Variants in DCLRE1A observed in about 807,000 individuals in gnomAD.
DCLRE1A encodes the protein DNA cross-link repair 1A protein.
DCLRE1A carries 64 observed loss-of-function variants against 91.9 expected under a neutral mutation model. That is an observed-to-expected ratio of 0.70 (90% CI 0.57 to 0.86). The LOEUF is 0.86. Ranked by LOEUF, DCLRE1A falls within the 40% of genes least tolerant of loss-of-function variation. DCLRE1A has a pLI of 0.00. For synonymous variants in DCLRE1A, 416 were observed against 431.1 expected (o/e 0.96, Z 0.43); for missense variants, 1,145 against 1,213.3 (o/e 0.94, Z 0.84).
At chr10:113,845,404 A>G (rs1845520570) in intron 4 of DCLRE1A, among the ~76,000 whole-genome samples, 1 of 152,246 alleles carries the variant, frequency 6.6e-6, no homozygotes, top group African/African-American at 2.4e-5. Flanking sequence ...AACAGCAACA[A>G]CATGTTAAAG....
At chr10:113,844,702 G>A (rs1283093107) in intron 4 of DCLRE1A, among the ~76,000 whole-genome samples, 2 of 152,166 alleles carry the variant, frequency 1.3e-5, no homozygotes, top group South Asian at 2.1e-4. Flanking sequence ...TTGGGAGGCC[G>A]AAGCGGGTGT....
chr10:113,851,273 G>C (rs1021940020), intron 1 of DCLRE1A, among the ~76,000 whole-genome samples: 2 of 152,092 alleles, frequency 1.3e-5, no homozygotes, highest in African/African-American at 4.8e-5. Flanking sequence ...GTTTTCACTT[G>C]CTATCCTTTT....
chr10:113,839,256 T>C (rs1026492735), intron 7 of DCLRE1A, among the ~76,000 whole-genome samples: 3 of 123,118 alleles, frequency 2.4e-5, no homozygotes, highest in Non-Finnish European at 4.7e-5. Flanking sequence ...ACCCGGGAGG[T>C]GGAGGTTGCA....
At chr10:113,835,519 G>A (rs867234591) in intron 8 of DCLRE1A, among the ~76,000 whole-genome samples, 10 of 152,168 alleles carry the variant, frequency 6.6e-5, no homozygotes, top group South Asian at 4.2e-4. Context: ...ATACCAATAC[G>A]GTTTGGCTCT....
chr10:113,849,233 C>T lies in DCLRE1A; in HGVS notation c.1872G>A (p.Val624=). The change falls in exon 2 of 9, where the codon GTG becomes GTA. Residue 624 remains valine, a synonymous_variant. Transcript: ENST00000361384. ...ASTLHESQLS[V]ELSSERSQRQ... is the part of the protein sequence containing the mutation. The stretch of plus-strand genomic sequence containing the variant: ...GCTGTGACCTCTCACTAGAAAGTTC[C>T]ACAGAAAGCTGACTCTCATGTAAAG... The T allele has an allele frequency of 6.2e-7, 1 of 1,614,042 alleles. No individual in the cohort carries two copies. Among genetic ancestry groups the T allele is most frequent in the Middle Eastern group, 1.6e-4 (1 of 6,062 alleles).
intron 7 of DCLRE1A, 50 bp from the exon 8 acceptor site, chr10:113,837,253 A>G (rs1411377170): frequency 1.3e-6 from 2 of 1,539,820 alleles, no homozygotes; most frequent in Non-Finnish European, 1.7e-6. Flanking sequence ...AGTTATATGG[A>G]ATAAAACAGA....
chr10:113,851,136 A>G (rs952265587), intron 1 of DCLRE1A, among the ~76,000 whole-genome samples: 2 of 152,244 alleles, frequency 1.3e-5, no homozygotes, highest in Admixed American at 1.3e-4. Flanking sequence ...GTGAAAAACC[A>G]AAAGAAAAAT....
chr10:113,845,625 C>A, intron 4 of DCLRE1A, 60 bp downstream of exon 4: 1 of 1,236,770 alleles, frequency 8.1e-7, no homozygotes, highest in South Asian at 1.3e-5. Flanking sequence ...TTAATCATGC[C>A]AATGTGTTGT....
chr10:113,853,252 CAA>C lies in DCLRE1A; in HGVS notation c.-72_-71del. ...CTGAAAGTCCATTTCTTGTCACAAA[CAA>C]AAAGTTATAGAATTATTTTGCTGAG... is the stretch of plus-strand genomic sequence containing the variant. On this transcript the variant is annotated 5_prime_UTR_variant, in exon 1 of 9. Coordinates refer to ENST00000361384, the MANE Select transcript of DCLRE1A (RefSeq NM_014881.5). The C allele has an allele frequency of 7.5e-7, 1 of 1,342,210 alleles. No homozygotes were observed. Among genetic ancestry groups the C allele is most frequent in the Non-Finnish European group, 9.9e-7 (1 of 1,013,660 alleles). 83.1% of individuals were successfully genotyped at this position (1,342,210 alleles called of 1,614,324 possible).
chr10:113,838,637 T>C (rs1845397532), intron 7 of DCLRE1A, among the ~76,000 whole-genome samples: 1 of 152,224 alleles, frequency 6.6e-6, no homozygotes, highest in South Asian at 2.1e-4. Context: ...AAATCCCTGA[T>C]TTATGACTTG....
intron 8 of DCLRE1A, among the ~76,000 whole-genome samples, chr10:113,835,776 A>T (rs1232390796): frequency 6.6e-6 from 1 of 152,108 alleles, no homozygotes; most frequent in Non-Finnish European, 1.5e-5. Flanking sequence ...CTCCACTAAA[A>T]ATACAAAAAT....
intron 7 of DCLRE1A, among the ~76,000 whole-genome samples, chr10:113,840,707 T>G (rs1323209287): frequency 6.6e-6 from 1 of 152,218 alleles, no homozygotes; most frequent in Non-Finnish European, 1.5e-5. Flanking sequence ...CATTCATTCT[T>G]TTTATTTCAT....
rs1458940465 is a variant in DCLRE1A at position 113,852,753 on chromosome 10, A to G, written c.430T>C (p.Cys144Arg). 6.2e-7 allele frequency: 1 copy of G among 1,614,064 alleles called. No homozygotes were observed. Among genetic ancestry groups the G allele is most frequent in the African/African-American group, 1.3e-5 (1 of 74,930 alleles). The stretch of plus-strand genomic sequence containing the variant: ...TCAGAGCGTGGTGGAGAATCCAAAC[A>G]TTCAAAAACATGCCATCGAGGTGTC... ...GQTPRWHVFE[C>R]LDSPPRSETE... Residue 144 changes from cysteine (C) to arginine (R), a missense_variant, in exon 1 of 9, where the codon TGT (cysteine) becomes CGT (arginine). Transcript: ENST00000361384.
Position 113,841,397 on chromosome 10 carries a change from A to C in DCLRE1A, c.2820+9T>G, listed in dbSNP as rs1280369638. ...TTCATCCTAAAAGACATATCTCTTG[A>C]ATGCTTACCTTAAAATTAATTTGCA... On this transcript the variant is annotated intron_variant, in intron 7 of 8. Transcript: ENST00000361384. 1 of 1,611,346 alleles carries C rather than the reference A, an allele frequency of 6.2e-7. No homozygotes were observed. Among genetic ancestry groups the C allele is most frequent in the East Asian group, 2.2e-5 (1 of 44,744 alleles).
chr10:113,835,729 GT>G (rs1212935747), intron 8 of DCLRE1A, among the ~76,000 whole-genome samples: 1 of 152,166 alleles, frequency 6.6e-6, no homozygotes, highest in Non-Finnish European at 1.5e-5. Context: ...GAGGTCAGGA[GT>G]TCGAGGCCAG....
chr10:113,849,838 G>A lies in DCLRE1A; in HGVS notation c.1267C>T (p.His423Tyr), dbSNP rs1168248465. ...TCAGGTTTTGCTTTAGTTGCCTGATGAACAGAAGCAGCAAGCTTCCCTGCC... is the reference window on the plus strand; with the variant it reads ...TCAGGTTTTGCTTTAGTTGCCTGATAAACAGAAGCAGCAAGCTTCCCTGCC... ...ALAGKLAASV[H>Y]QATKAKPDEP... Residue 423 changes from histidine (H) to tyrosine (Y), a missense_variant, in exon 2 of 9, where the codon CAT becomes TAT. By Grantham distance (83) the His-to-Tyr change is moderately conservative. Coordinates refer to ENST00000361384, the MANE Select transcript of DCLRE1A (RefSeq NM_014881.5). The A allele has an allele frequency of 1.2e-6, 2 of 1,613,890 alleles. No individual in the cohort carries two copies. Among genetic ancestry groups the A allele is most frequent in the Non-Finnish European group, 1.7e-6 (2 of 1,180,018 alleles).
intron 7 of DCLRE1A, among the ~76,000 whole-genome samples, chr10:113,837,541 T>C (rs1164202711): frequency 1.3e-5 from 2 of 152,154 alleles, no homozygotes; most frequent in African/African-American, 4.8e-5. Flanking sequence ...TCTACAGAGA[T>C]AATAATATCA....
chr10:113,838,897 T>C (rs911311228), intron 7 of DCLRE1A, among the ~76,000 whole-genome samples: 2 of 152,204 alleles, frequency 1.3e-5, no homozygotes, highest in South Asian at 2.1e-4. Context: ...CCTGGGCACC[T>C]TGAAAACTGT....
At position 113,849,703 on chromosome 10, in the gene DCLRE1A, G is replaced by C; in HGVS notation, c.1402C>G (p.Pro468Ala). ...LPLVKSLMLK[P>A]FESQVEGYLS... ...TACCCTTCTACCTGACTTTCAAAAG[G>C]TTTCAACATTAAACTCTTAACTAAC... The change falls in exon 2 of 9, where the codon CCT becomes GCT. Residue 468 changes from proline (P) to alanine (A), a missense_variant. Physicochemically the swap from Pro to Ala is conservative, Grantham distance 27. Transcript: ENST00000361384. 6.2e-7 allele frequency: 1 copy of C among 1,614,114 alleles called. No homozygotes were observed. Among genetic ancestry groups the C allele is most frequent in the Non-Finnish European group, 8.5e-7 (1 of 1,180,018 alleles).
Sources: gnomAD v4.1 joint callset for allele counts (sites outside exome capture counted in the v4.1 genomes callset) on GRCh38, gnomAD v4.1.1 for gene constraint, MANE v1.5 for transcripts, NCBI Gene and HGNC (gene_info 2026-07-23, HGNC 2026-07-21) for gene names.